Variants in MYCBP2 observed in about 807,000 individuals in gnomAD.
The protein encoded by MYCBP2 is MYC binding protein 2, also known as E3 ubiquitin-protein ligase MYCBP2.
Under a neutral mutation model 525.3 loss-of-function variants are expected in MYCBP2, and 120 were observed. The observed-to-expected ratio is 0.23, with a 90% CI of 0.20 to 0.27. The LOEUF is 0.27. Among genes scored for constraint, MYCBP2 ranks in the 10% least tolerant of loss-of-function variants. The probability of loss-of-function intolerance (pLI) is 1.00; values close to 1 mark genes in which losing one functional copy is unlikely to be tolerated. For synonymous variants in MYCBP2, 1,894 were observed against 1,955.8 expected, an observed-to-expected ratio of 0.97 and a Z score of 0.83; for missense variants, 4,149 against 5,657.1, an observed-to-expected ratio of 0.73 and a Z score of 8.55.
intron 82 of MYCBP2, among the ~76,000 whole-genome samples, chr13:77,049,584 G>A (rs1277084099): frequency 6.6e-6 from 1 of 151,774 alleles, no homozygotes; most frequent in Admixed American, 6.6e-5. Flanking sequence ...AAACAAATAT[G>A]ACTAGATAGT....
At chr13:77,114,004 T>G (rs1195434283) in intron 55 of MYCBP2, among the ~76,000 whole-genome samples, 1 of 152,134 alleles carries the variant, frequency 6.6e-6, no homozygotes, top group Non-Finnish European at 1.5e-5. Context: ...TCCACATACC[T>G]TCAAAGCAGG....
chr13:77,267,314 TAAG>T (rs2074237616), intron 8 of MYCBP2, among the ~76,000 whole-genome samples: 1 of 150,908 alleles, frequency 6.6e-6, no homozygotes. Context: ...TTAAGAAGCA[TAAG>T]AAGCATAAAT....
At position 77,166,550 on chromosome 13, in the gene MYCBP2, G is replaced by A. The variant is rs1566778670; in HGVS notation, c.6119C>T (p.Thr2040Ile). The change falls in exon 41 of 83, where the codon ACA (threonine) becomes ATA (isoleucine). Residue 2040 changes from threonine to isoleucine, a missense_variant. Around this residue, in one of 21 missense-constraint regions of MYCBP2, gnomAD observed 692 missense variants for 852.7 expected, o/e 0.81. Transcript: ENST00000544440. ...CATCCACCTCACACATTCTGGGAAT[G>A]TCACCTGAGGTCAACAGGCAAAGTG... ...KPACVMHYKVTFPECVRWMTI... is the reference protein window; with the variant it reads ...KPACVMHYKVIFPECVRWMTI... 5 of 1,608,306 alleles carry A rather than the reference G, an allele frequency of 3.1e-6. No individual in the cohort carries two copies. Among genetic ancestry groups the A allele is most frequent in the Non-Finnish European group, 8.5e-7 (1 of 1,176,376 alleles).
chr13:77,067,822 T>C lies in MYCBP2; in HGVS notation c.12214A>G (p.Ser4072Gly). 1 of 1,614,108 alleles carries C rather than the reference T, an allele frequency of 6.2e-7. No individual in the cohort carries two copies. The change falls in exon 71 of 83, where the codon AGT becomes GGT. Residue 4072 changes from serine to glycine, a missense_variant. Physicochemically the swap from Ser to Gly is moderately conservative, Grantham distance 56. Around this residue, in one of 21 missense-constraint regions of MYCBP2, gnomAD observed 64 missense variants for 131.2 expected, o/e 0.49. Coordinates refer to ENST00000544440, the MANE Select transcript of MYCBP2 (RefSeq NM_015057.5). ...ACTCCTATGATGCTGGCCAGACGAC[T>C]AGGGGTTACTTCAGGCAAAACTCTT... Reference protein sequence around the residue: ...LRRVLPEVTPSRLASIIGVKS... With the variant: ...LRRVLPEVTPGRLASIIGVKS...
intron 39 of MYCBP2, among the ~76,000 whole-genome samples, 153 bp downstream of exon 39, chr13:77,169,461 G>T (rs1431612064): frequency 6.7e-6 from 1 of 149,984 alleles, no homozygotes; most frequent in South Asian, 2.1e-4. Flanking sequence ...ACTAAGAAGA[G>T]AGAAGTTTAA....
At chr13:77,142,407 T>C (rs1162658748) in intron 49 of MYCBP2, among the ~76,000 whole-genome samples, 2 of 152,224 alleles carry the variant, frequency 1.3e-5, no homozygotes, top group African/African-American at 4.8e-5. Context: ...TGAAGGTCTC[T>C]AGAATGGTAC....
chr13:77,166,639 T>A, intron 40 of MYCBP2, 85 bp from the exon 41 acceptor site: 1 of 806,544 alleles, frequency 1.2e-6, no homozygotes. Context: ...TGTGTGTGTC[T>A]ATGCTTTTAT....
At chr13:77,253,242 T>C (rs935946512) in intron 14 of MYCBP2, among the ~76,000 whole-genome samples, 4 of 151,728 alleles carry the variant, frequency 2.6e-5, no homozygotes, top group African/African-American at 9.7e-5. Flanking sequence ...AAAAGAAAAG[T>C]GAGAGAACCA....
intron 52 of MYCBP2, among the ~76,000 whole-genome samples, chr13:77,136,729 C>T (rs1325870576): frequency 1.3e-5 from 2 of 152,114 alleles, no homozygotes; most frequent in East Asian, 1.9e-4. Flanking sequence ...CTGAACTGAT[C>T]GTTTTCCTAT....
chr13:77,152,267 G>A (rs2056576693), intron 46 of MYCBP2, among the ~76,000 whole-genome samples: 2 of 152,072 alleles, frequency 1.3e-5, no homozygotes, highest in South Asian at 4.1e-4. Context: ...CAAACCCCTG[G>A]AAATATTAAA....
chr13:77,268,500 C>T (rs981678899), intron 7 of MYCBP2, among the ~76,000 whole-genome samples: 1 of 152,146 alleles, frequency 6.6e-6, no homozygotes, highest in Non-Finnish European at 1.5e-5. Flanking sequence ...TAATTTCAGG[C>T]TGGGGGCGGT....
At chr13:77,318,563 G>C (rs923237941) in intron 1 of MYCBP2, among the ~76,000 whole-genome samples, 1 of 152,206 alleles carries the variant, frequency 6.6e-6, no homozygotes, top group Non-Finnish European at 1.5e-5. Context: ...AGACCAGCCT[G>C]ACCAATATGG....
intron 80 of MYCBP2, among the ~76,000 whole-genome samples, chr13:77,055,135 A>G (rs936547737): frequency 1.1e-4 from 13 of 113,714 alleles, no homozygotes; most frequent in African/African-American, 3.0e-4. Context: ...GGTAGGTTAA[A>G]AAAAAAAAAA....
chr13:77,096,628 T>C (rs1407755454), intron 56 of MYCBP2, 147 bp from the exon 57 acceptor site: 3 of 829,862 alleles, frequency 3.6e-6, no homozygotes, highest in African/African-American at 1.7e-5. Flanking sequence ...CTATTAACTA[T>C]ATCAGAAAAA....
chr13:77,157,998 G>C lies in MYCBP2; in HGVS notation c.6709C>G (p.Gln2237Glu). 3 of 1,613,638 alleles carry C rather than the reference G, an allele frequency of 1.9e-6. No individual in the cohort carries two copies. Among genetic ancestry groups the C allele is most frequent in the Non-Finnish European group, 2.5e-6 (3 of 1,179,780 alleles). ...GCAATAAAATCATCCAGAAAAGACT[G>C]TTCATTGCTTTGGATTTGGAGTGGT... ...NLPLQIQSNEQSFLDDFIACV... is the reference protein window; with the variant it reads ...NLPLQIQSNEESFLDDFIACV... The change falls in exon 45 of 83, where the codon CAG (glutamine) becomes GAG (glutamate). Residue 2237 changes from glutamine to glutamate, a missense_variant. Gln to Glu is a conservative substitution (Grantham distance 29, BLOSUM62 2). Coordinates refer to ENST00000544440, the MANE Select transcript of MYCBP2 (RefSeq NM_015057.5).
At chr13:77,140,755 T>A in intron 50 of MYCBP2, 91 bp downstream of exon 50, 1 of 892,410 alleles carries the variant, frequency 1.1e-6, no homozygotes, top group Non-Finnish European at 1.8e-6. Flanking sequence ...TGAAATCAAG[T>A]AAAATGTTAG....
intron 1 of MYCBP2, among the ~76,000 whole-genome samples, chr13:77,325,756 G>A (rs898112748): frequency 1.3e-5 from 2 of 152,212 alleles, no homozygotes; most frequent in African/African-American, 4.8e-5. Flanking sequence ...TGGGACATCA[G>A]ATCACAAGAG....
chr13:77,087,449 A>G (rs2154114612), intron 62 of MYCBP2, 35 bp downstream of exon 62: 1 of 1,553,434 alleles, frequency 6.4e-7, no homozygotes, highest in South Asian at 1.1e-5. Flanking sequence ...AGTTTCTATA[A>G]AAATATGCAC....
intron 30 of MYCBP2, among the ~76,000 whole-genome samples, chr13:77,186,874 C>T (rs1184821271): frequency 3.4e-5 from 5 of 146,248 alleles, no homozygotes; most frequent in African/African-American, 7.6e-5. Context: ...GGTGTGATCA[C>T]GGGTCACTGC....
Sources: allele counts gnomAD v4.1 joint callset (sites outside exome capture counted in the v4.1 genomes callset), GRCh38; gene constraint gnomAD v4.1.1; regional missense constraint gnomAD v4.1.1; transcripts MANE v1.5; gene names NCBI Gene and HGNC (gene_info 2026-07-23, HGNC 2026-07-21).